INPP4A: variants seen among roughly 807,000 people sequenced by gnomAD.
INPP4A encodes the protein inositol polyphosphate-4-phosphatase type I A, also known as inositol polyphosphate-4-phosphatase, type I, 107kD.
INPP4A carries 33 observed loss-of-function variants against 119.8 expected under a neutral mutation model. The observed-to-expected ratio is 0.28, with a 90% CI of 0.21 to 0.37. The LOEUF is 0.37. INPP4A is among the 10% of genes least tolerant of loss of function. The pLI, the probability that INPP4A is intolerant of heterozygous loss-of-function variation, is 1.00. For synonymous variants in INPP4A, 496 were observed against 500.7 expected (o/e 0.99, Z 0.12); for missense variants, 956 against 1,289.9 (o/e 0.74, Z 3.97).
At chr2:98,548,818 ATCCCTGTAG>A in intron 13 of INPP4A, 3 of 763,940 alleles carry the variant, frequency 3.9e-6, no homozygotes, top group Non-Finnish European at 6.6e-6. Flanking sequence ...GATTGTAGTC[ATCCCTGTAG>A]TTGGGACCTC....
chr2:98,517,739 A>G (rs1232515330), intron 1 of INPP4A, among the ~76,000 whole-genome samples: 1 of 152,234 alleles, frequency 6.6e-6, no homozygotes, highest in Non-Finnish European at 1.5e-5. Context: ...TATTATAAGT[A>G]ATGCTGCAAT....
chr2:98,497,506 G>A (rs1047495328), intron 1 of INPP4A, among the ~76,000 whole-genome samples: 2 of 152,180 alleles, frequency 1.3e-5, no homozygotes, highest in African/African-American at 4.8e-5. Flanking sequence ...CATGAAAGGA[G>A]CCAGGAGGGG....
At chr2:98,543,754 C>T in intron 10 of INPP4A, 123 bp from the exon 11 acceptor site, 1 of 1,244,498 alleles carries the variant, frequency 8.0e-7, no homozygotes, top group Non-Finnish European at 1.1e-6. Context: ...AACCATTGTC[C>T]TGGCCTGCCC....
chr2:98,498,568 C>A (rs548876151), intron 1 of INPP4A, among the ~76,000 whole-genome samples: 9 of 152,016 alleles, frequency 5.9e-5, no homozygotes, highest in African/African-American at 2.2e-4. Flanking sequence ...GCAACACTCA[C>A]CAATTCAGGT....
At chr2:98,502,811 A>C (rs1683375123) in intron 1 of INPP4A, among the ~76,000 whole-genome samples, 1 of 152,232 alleles carries the variant, frequency 6.6e-6, no homozygotes, top group Non-Finnish European at 1.5e-5. Context: ...CTCAAAGGCA[A>C]AAGATGGCCC....
intron 17 of INPP4A, among the ~76,000 whole-genome samples, chr2:98,560,662 T>G (rs1695310426): frequency 6.6e-6 from 1 of 152,248 alleles, no homozygotes; most frequent in Non-Finnish European, 1.5e-5. Flanking sequence ...CCTCCTCCGT[T>G]GCCTCCCCGG....
chr2:98,537,621 C>T (rs1009577629), intron 7 of INPP4A, among the ~76,000 whole-genome samples: 2 of 152,180 alleles, frequency 1.3e-5, no homozygotes, highest in African/African-American at 4.8e-5. Context: ...TTCACCAGCA[C>T]GTCCACACTT....
chr2:98,547,501 G>A (rs1183148337), intron 13 of INPP4A, among the ~76,000 whole-genome samples: 1 of 152,200 alleles, frequency 6.6e-6, no homozygotes, highest in Non-Finnish European at 1.5e-5. Context: ...AGGCATTGAT[G>A]ATCTTCCAGA....
In INPP4A at chr2:98,588,368, C is replaced by A. The variant is rs1700138549; in HGVS notation, c.*760C>A. On this transcript the variant is annotated 3_prime_UTR_variant, in exon 25 of 25. Transcript: ENST00000409851. ...TTCTCTGAAGCTCCCTGCCGAGGCT[C>A]CCTCACGCCCAGAGGACACATCTCC... is the stretch of plus-strand genomic sequence containing the variant. 3 of 199,252 alleles carry A rather than the reference C, an allele frequency of 1.5e-5. No individual in the cohort carries two copies. The Admixed American group carries it at 1.8e-4, about 12-fold the overall frequency. The allele number at this position is 199,252 out of a possible 1,614,324, so 12.3% of individuals were successfully genotyped here. A position where few individuals can be genotyped will look rare whatever the true frequency, so the allele number is the denominator to read the frequency against.
rs1004790296 is a variant in INPP4A at position 98,549,070 on chromosome 2, G to A, written c.1163+2376G>A. The A allele has an allele frequency of 2.6e-5, 28 of 1,067,232 alleles. No individual in the cohort carries two copies. The East Asian group carries it at 2.9e-4, about 11-fold the overall frequency. 66.1% of individuals were successfully genotyped at this position (1,067,232 alleles called of 1,614,324 possible). ...ACCTCCTCCTGTGGGCTTCCCCTGC[G>A]GTGCTGCCATGGTTCCTAGTTATAC... is the stretch of plus-strand genomic sequence containing the variant. On this transcript the variant is annotated intron_variant, in intron 13 of 24. Coordinates refer to ENST00000409851, the MANE Select transcript of INPP4A (RefSeq NM_001134225.2).
In INPP4A at chr2:98,496,177, A is replaced by T. The variant is rs1308818274; in HGVS notation, c.-165-22787A>T. 2.0e-5 allele frequency among the ~76,000 whole-genome samples: 3 copies of T among 152,182 alleles called. No homozygotes were observed. In the East Asian group the frequency reaches 5.8e-4, roughly 29 times the overall value. On this transcript the variant is annotated intron_variant, in intron 1 of 24. Coordinates refer to ENST00000409851, the MANE Select transcript of INPP4A (RefSeq NM_001134225.2). ...GAGACATGTCCAACCTCCTCTTCCC[A>T]TCATAGCCTTAACTAGATATTCGGG...
intron 1 of INPP4A, among the ~76,000 whole-genome samples, chr2:98,507,357 T>C (rs184314931): frequency 6.6e-6 from 1 of 152,388 alleles, no homozygotes; most frequent in East Asian, 1.9e-4. Context: ...TATGTGTTTA[T>C]GTTGTGTGTC....
chr2:98,582,041 A>G (rs1236631775), intron 24 of INPP4A, among the ~76,000 whole-genome samples: 1 of 152,178 alleles, frequency 6.6e-6, no homozygotes, highest in Non-Finnish European at 1.5e-5. Context: ...AATTCCTTGT[A>G]CCACGTCTCT....
At chr2:98,470,810 G>A (rs542987784) in intron 1 of INPP4A, among the ~76,000 whole-genome samples, 14 of 152,226 alleles carry the variant, frequency 9.2e-5, no homozygotes, top group African/African-American at 3.1e-4. Context: ...TGGGACTACA[G>A]GCACGCACCA....
chr2:98,523,441 G>C (rs1441164589), intron 4 of INPP4A, among the ~76,000 whole-genome samples: 1 of 151,200 alleles, frequency 6.6e-6, no homozygotes, highest in Non-Finnish European at 1.5e-5. Context: ...GTCTCCCGGG[G>C]TGGAGTGCAG....
chr2:98,470,397 G>T (rs1399621669), intron 1 of INPP4A, among the ~76,000 whole-genome samples: 2 of 152,228 alleles, frequency 1.3e-5, no homozygotes, highest in Non-Finnish European at 2.9e-5. Flanking sequence ...ACTTGGCGCT[G>T]CTTCTGAGCT....
chr2:98,583,338 T>A, intron 24 of INPP4A, among the ~76,000 whole-genome samples: 1 of 150,276 alleles, frequency 6.7e-6, no homozygotes, highest in Non-Finnish European at 1.5e-5. Flanking sequence ...AAAAAAAAAG[T>A]GATCCCTGAC....
At chr2:98,530,716 A>G (rs1002209613) in intron 4 of INPP4A, among the ~76,000 whole-genome samples, 22 of 152,234 alleles carry the variant, frequency 1.4e-4, no homozygotes, top group South Asian at 2.1e-4. Context: ...TCTCAGAAAC[A>G]TGAGGAGATA....
chr2:98,523,588 G>T (rs1406630111), intron 4 of INPP4A, among the ~76,000 whole-genome samples: 1 of 151,984 alleles, frequency 6.6e-6, no homozygotes, highest in Non-Finnish European at 1.5e-5. Flanking sequence ...TAGAGACGGG[G>T]TTTCACTGTG....
Sources: allele counts gnomAD v4.1 joint callset (sites outside exome capture counted in the v4.1 genomes callset), GRCh38; gene constraint gnomAD v4.1.1; transcripts MANE v1.5; gene names NCBI Gene and HGNC (gene_info 2026-07-23, HGNC 2026-07-21).